The following AMELY variants were observed in gnomAD, a reference collection of about 807,000 sequenced individuals.
AMELY encodes the protein amelogenin Y-linked.
AMELY carries 4 observed loss-of-function variants against 4.2 expected under a neutral mutation model. The observed-to-expected ratio is 0.96, with a 90% confidence interval of 0.47 to 2.19. The LOEUF is 2.19. Among genes scored for constraint, AMELY ranks in the 30% most tolerant of loss-of-function variants. The pLI, the probability that AMELY is intolerant of heterozygous loss-of-function variation, is 0.02. For synonymous variants in AMELY, 11 were observed against 14.7 expected (o/e 0.75, Z 0.57); for missense variants, 32 against 41.5 (o/e 0.77, Z 0.63).
chrY:6,903,533 C>T (rs947897431), intron 1 of AMELY, among the ~76,000 whole-genome samples: 1 of 32,828 alleles, frequency 3.0e-5, no homozygotes, highest in African/African-American at 1.2e-4. Context: ...GAACTTTGCC[C>T]CAGGCCTGCA....
At chrY:6,866,516 C>T in intron 6 of AMELY, among the ~76,000 whole-genome samples, 1 of 32,639 alleles carries the variant, frequency 3.1e-5, no homozygotes, top group Non-Finnish European at 7.5e-5. Flanking sequence ...TATAAATCCA[C>T]GGTGTTAATT....
At chrY:6,897,580 C>CT (rs2054086777) in intron 1 of AMELY, among the ~76,000 whole-genome samples, 11 of 19,237 alleles carry the variant, frequency 5.7e-4, no homozygotes, top group East Asian at 1.3e-3. Flanking sequence ...CCACATTGGC[C>CT]TTTTTTTTTT....
intron 1 of AMELY, among the ~76,000 whole-genome samples, chrY:6,884,423 TATAA>T (rs2124082677): frequency 6.2e-5 from 2 of 32,493 alleles, no homozygotes; most frequent in Non-Finnish European, 1.5e-4. Flanking sequence ...AGAGGTATAA[TATAA>T]ATAAATAAAG....
At chrY:6,902,556 T>G (rs2054089986) in intron 1 of AMELY, among the ~76,000 whole-genome samples, 1 of 31,696 alleles carries the variant, frequency 3.2e-5, no homozygotes, top group Non-Finnish European at 7.6e-5. Flanking sequence ...TCTCCTGTAT[T>G]CCTTTTTTTT....
At chrY:6,873,240 C>G in intron 2 of AMELY, among the ~76,000 whole-genome samples, 1 of 32,970 alleles carries the variant, frequency 3.0e-5, no homozygotes, top group African/African-American at 1.2e-4. Flanking sequence ...TGAGGTTAAA[C>G]AGAAAGGCAA....
At chrY:6,901,617 G>T in intron 1 of AMELY, among the ~76,000 whole-genome samples, 1 of 33,294 alleles carries the variant, frequency 3.0e-5, no homozygotes, top group Non-Finnish European at 7.4e-5. Flanking sequence ...TTGTATTAAG[G>T]TTCTCTACAC....
intron 1 of AMELY, among the ~76,000 whole-genome samples, chrY:6,908,223 AGGAGGGCAG>A: frequency 1.3e-4 from 4 of 31,529 alleles, no homozygotes; most frequent in Admixed American, 1.2e-3. Context: ...TAGGAGGCCA[AGGAGGGCAG>A]GTCACTTGAG....
intron 1 of AMELY, among the ~76,000 whole-genome samples, chrY:6,883,976 T>C (rs764758090): frequency 6.2e-5 from 2 of 32,496 alleles, no homozygotes; most frequent in East Asian, 1.6e-3. Context: ...TTGTTCATTA[T>C]GTGTCAGATA....
At chrY:6,886,483 G>A in intron 1 of AMELY, among the ~76,000 whole-genome samples, 1 of 33,384 alleles carries the variant, frequency 3.0e-5, no homozygotes, top group African/African-American at 1.2e-4. Context: ...GACAAGCCTG[G>A]GCGATATAGC....
chrY:6,889,681 G>C (rs778984792), intron 1 of AMELY, among the ~76,000 whole-genome samples: 60 of 32,330 alleles, frequency 1.9e-3, no homozygotes, highest in Non-Finnish European at 4.0e-3. Flanking sequence ...TCTGGAGGCT[G>C]AGGCAGGAGA....
chrY:6,866,262 T>C, intron 6 of AMELY, among the ~76,000 whole-genome samples, 184 bp from the exon 7 acceptor site: 1 of 33,653 alleles, frequency 3.0e-5, no homozygotes, highest in African/African-American at 1.2e-4. Flanking sequence ...TGAAGCCTTC[T>C]TCTACCTTTG....
chrY:6,898,712 A>T (rs773636182), intron 1 of AMELY, among the ~76,000 whole-genome samples: 188 of 33,725 alleles, frequency 5.6e-3, no homozygotes, highest in African/African-American at 0.021. Flanking sequence ...GACACGTAGA[A>T]TTAACCATCA....
intron 1 of AMELY, among the ~76,000 whole-genome samples, chrY:6,877,085 T>G: frequency 3.0e-5 from 1 of 33,076 alleles, no homozygotes; most frequent in Non-Finnish European, 7.4e-5. Flanking sequence ...GAGACCAGAC[T>G]GTTAGACAAA....
At chrY:6,910,733 A>G in intron 1 of AMELY, 2 of 59,209 alleles carry the variant, frequency 3.4e-5, no homozygotes, top group Non-Finnish European at 6.9e-5. Context: ...CCAACACCCC[A>G]GCTCCGCTGC....
At chrY:6,890,368 C>CTTCACAAGT (rs2054082438) in intron 1 of AMELY, among the ~76,000 whole-genome samples, 1 of 32,974 alleles carries the variant, frequency 3.0e-5, no homozygotes. Flanking sequence ...AATTTTGCTC[C>CTTCACAAGT]TTCACAAGTT....
At chrY:6,871,618 A>C (rs945222513) in intron 3 of AMELY, among the ~76,000 whole-genome samples, 2 of 32,327 alleles carry the variant, frequency 6.2e-5, no homozygotes, top group East Asian at 8.3e-4. Context: ...TATTTTTATA[A>C]GGCTGATTAA....
chrY:6,882,618 T>C (rs2054075641), intron 1 of AMELY, among the ~76,000 whole-genome samples: 1 of 29,030 alleles, frequency 3.4e-5, no homozygotes, highest in Admixed American at 3.1e-4. Flanking sequence ...AACTAAAGAG[T>C]TTCTCCCCAG....
At chrY:6,880,311 C>T in intron 1 of AMELY, among the ~76,000 whole-genome samples, 1 of 33,150 alleles carries the variant, frequency 3.0e-5, no homozygotes, top group African/African-American at 1.2e-4. Context: ...GAGTGTTAAA[C>T]ATGGAAATAA....
At chrY:6,869,961 C>T in intron 4 of AMELY, 45 bp downstream of exon 4, 1 of 369,453 alleles carries the variant, frequency 2.7e-6, no homozygotes, top group South Asian at 3.1e-5. Context: ...GCCCAGGGGA[C>T]TGCTAATGCA....
Sources: gnomAD v4.1 joint callset for allele counts (sites outside exome capture counted in the v4.1 genomes callset) on GRCh38, gnomAD v4.1.1 for gene constraint, MANE v1.5 for transcripts, NCBI Gene and HGNC (gene_info 2026-07-23, HGNC 2026-07-21) for gene names.